PPARGC1A: variants seen among roughly 807,000 people sequenced by gnomAD.
PPARGC1A encodes peroxisome proliferator-activated receptor gamma coactivator 1-alpha.
Under a neutral mutation model 88.7 loss-of-function variants are expected in PPARGC1A, and 25 were observed. That is an observed-to-expected ratio of 0.28 (90% CI 0.21 to 0.39). The LOEUF (loss-of-function observed/expected upper bound fraction) is 0.39. PPARGC1A is among the 10% of genes least tolerant of loss of function. The probability of loss-of-function intolerance (pLI) is 1.00; values close to 1 mark genes in which losing one functional copy is unlikely to be tolerated. For missense variants in PPARGC1A, 880 were observed against 968.7 expected, an observed-to-expected ratio of 0.91 and a Z score of 1.22; for synonymous variants, 363 against 355.6, an observed-to-expected ratio of 1.02 and a Z score of -0.24.
chr4:24,387,600 G>T, the PPARGC1A span, among the ~76,000 whole-genome samples: 1 of 151,868 alleles, frequency 6.6e-6, no homozygotes, highest in South Asian at 2.1e-4. Flanking sequence ...AGCTCATGCT[G>T]GTAGCGCATG....
the PPARGC1A span, among the ~76,000 whole-genome samples, chr4:24,195,701 C>G: frequency 1.3e-5 from 2 of 152,148 alleles, no homozygotes; most frequent in Non-Finnish European, 2.9e-5. Context: ...TCTGTATTTT[C>G]AATTAATCCA....
the PPARGC1A span, among the ~76,000 whole-genome samples, chr4:24,274,863 A>G: frequency 6.6e-6 from 1 of 152,088 alleles, no homozygotes; most frequent in Non-Finnish European, 1.5e-5. Context: ...ATGGGTAATG[A>G]TTCACTAAGG....
At chr4:23,838,531 TACC>T (rs1488467813) in intron 2 of PPARGC1A, among the ~76,000 whole-genome samples, 18 of 152,294 alleles carry the variant, frequency 1.2e-4, no homozygotes, top group African/African-American at 3.8e-4. Context: ...AGACAATAAA[TACC>T]ACCTTACATT....
At chr4:23,813,439 T>C (rs897789014) in intron 8 of PPARGC1A, among the ~76,000 whole-genome samples, 1 of 152,136 alleles carries the variant, frequency 6.6e-6, no homozygotes, top group African/African-American at 2.4e-5. Context: ...AAAAGTTGGA[T>C]GAGCAAGTTT....
chr4:24,288,206 C>T, the PPARGC1A span, among the ~76,000 whole-genome samples: 16 of 152,324 alleles, frequency 1.1e-4, no homozygotes, highest in Admixed American at 9.8e-4. Context: ...TTTCATTTTT[C>T]AGATCCTTCA....
chr4:24,429,114 G>A, the PPARGC1A span, among the ~76,000 whole-genome samples: 10 of 152,298 alleles, frequency 6.6e-5, no homozygotes, highest in African/African-American at 1.7e-4. Flanking sequence ...CAGGCACTGG[G>A]CGAGGTAGTA....
chr4:24,326,072 C>A, the PPARGC1A span, among the ~76,000 whole-genome samples: 4 of 152,136 alleles, frequency 2.6e-5, no homozygotes, highest in Non-Finnish European at 5.9e-5. Context: ...TCCTTTGCAT[C>A]CTCCTCTTGT....
chr4:23,818,638 A>C (rs1451446644), intron 7 of PPARGC1A, among the ~76,000 whole-genome samples: 1 of 152,040 alleles, frequency 6.6e-6, no homozygotes, highest in Admixed American at 6.6e-5. Context: ...GAAGTGGTAC[A>C]TACTCTACAG....
chr4:24,081,556 A>T, the PPARGC1A span, among the ~76,000 whole-genome samples: 1 of 152,166 alleles, frequency 6.6e-6, no homozygotes, highest in Non-Finnish European at 1.5e-5. Flanking sequence ...GGAAACATGA[A>T]GATCTTACTT....
At chr4:24,216,253 T>A in the PPARGC1A span, among the ~76,000 whole-genome samples, 1 of 150,760 alleles carries the variant, frequency 6.6e-6, no homozygotes, top group Admixed American at 6.6e-5. Flanking sequence ...ATTCAAGCGA[T>A]CCTAGTGCCT....
chr4:24,277,590 C>A, the PPARGC1A span, among the ~76,000 whole-genome samples: 3 of 152,148 alleles, frequency 2.0e-5, no homozygotes, highest in Non-Finnish European at 4.4e-5. Flanking sequence ...ACCTATAAAT[C>A]TAACTGCTCA....
chr4:23,808,293 T>A (rs143411859), intron 10 of PPARGC1A, among the ~76,000 whole-genome samples: 22 of 152,094 alleles, frequency 1.4e-4, no homozygotes, highest in African/African-American at 5.1e-4. Context: ...ACAATTTTTT[T>A]CATTTCATTT....
chr4:24,229,780 G>C, the PPARGC1A span, among the ~76,000 whole-genome samples: 1 of 149,936 alleles, frequency 6.7e-6, no homozygotes, highest in Non-Finnish European at 1.5e-5. Flanking sequence ...GGGAGGCAGA[G>C]ATTGCAGTGA....
the PPARGC1A span, among the ~76,000 whole-genome samples, chr4:23,974,680 T>A: frequency 6.6e-6 from 1 of 151,522 alleles, no homozygotes; most frequent in Non-Finnish European, 1.5e-5. Context: ...TCGCCCAGGC[T>A]GGAGTGCAGT....
intron 2 of PPARGC1A, among the ~76,000 whole-genome samples, chr4:23,855,157 C>T (rs928767286): frequency 2.0e-5 from 3 of 152,096 alleles, no homozygotes; most frequent in Admixed American, 1.3e-4. Flanking sequence ...ATGTGCCTTT[C>T]ACCTCCTGCC....
At chr4:23,883,015 A>G (rs141457317) in intron 2 of PPARGC1A, 82 of 152,304 alleles carry the variant, frequency 5.4e-4, no homozygotes, top group African/African-American at 2.0e-3. Flanking sequence ...TAAGAGGTCT[A>G]TGGAGATGGA....
chr4:24,053,248 T>TA, the PPARGC1A span, among the ~76,000 whole-genome samples: 1 of 152,044 alleles, frequency 6.6e-6, no homozygotes, highest in Non-Finnish European at 1.5e-5. Flanking sequence ...CCAATACCTC[T>TA]ATCCAGTTAA....
the PPARGC1A span, among the ~76,000 whole-genome samples, chr4:23,926,857 A>T: frequency 1.5e-4 from 23 of 152,162 alleles, no homozygotes; most frequent in Non-Finnish European, 3.2e-4. Flanking sequence ...TAGTTTATGC[A>T]TCTGTTTCCC....
At chr4:24,415,270 C>T in the PPARGC1A span, among the ~76,000 whole-genome samples, 1 of 152,008 alleles carries the variant, frequency 6.6e-6, no homozygotes, top group African/African-American at 2.4e-5. Flanking sequence ...CTGGGGTCAT[C>T]GATAGTTGTG....
Sources: allele counts gnomAD v4.1 joint callset (sites outside exome capture counted in the v4.1 genomes callset), GRCh38; gene constraint gnomAD v4.1.1; transcripts MANE v1.5; gene names NCBI Gene and HGNC (gene_info 2026-07-23, HGNC 2026-07-21).